The following KIAA0586 variants were observed in gnomAD, a reference collection of about 807,000 sequenced individuals.
KIAA0586 encodes the protein KIAA0586.
In KIAA0586, 144 loss-of-function variants were observed where a neutral mutation model predicts 169.8. The ratio of observed to expected loss-of-function variants is 0.85; its 90% CI spans 0.74 to 0.97. KIAA0586 has a LOEUF of 0.97. Among genes scored for constraint, KIAA0586 ranks in the 50% least tolerant of loss-of-function variants. KIAA0586 has a pLI of 0.00. For synonymous variants in KIAA0586, 625 were observed against 612.4 expected (o/e 1.02, Z -0.30); for missense variants, 1,854 against 1,823.0 (o/e 1.02, Z -0.31).
chr14:58,454,548 T>C (rs927723715), intron 9 of KIAA0586, among the ~76,000 whole-genome samples: 8 of 152,346 alleles, frequency 5.3e-5, no homozygotes, highest in Middle Eastern at 3.4e-3. Flanking sequence ...GTCCTTTTAT[T>C]CCACCCTGAA....
At chr14:58,542,633 A>C (rs977249056) in intron 30 of KIAA0586, among the ~76,000 whole-genome samples, 3 of 151,304 alleles carry the variant, frequency 2.0e-5, no homozygotes, top group Admixed American at 1.3e-4. Context: ...CTCTTTCCCC[A>C]CTCCCTCTTT....
rs1176874138 is a variant in KIAA0586, at chr14:58,492,046, C to CTG, written c.3859-98_3859-97insTG. ...TCCTTTCCAAAAATGCTAATATCAT[C>CTG]ATCTCATGACTGATAAGTTTTTATT... On this transcript the variant is annotated intron_variant, in intron 25 of 30. Coordinates refer to ENST00000652326, the MANE Select transcript of KIAA0586 (RefSeq NM_001329943.3). 3 of 904,198 alleles carry CTG rather than the reference C, an allele frequency of 3.3e-6. No individual in the cohort carries two copies. In the African/African-American group the frequency reaches 5.1e-5, roughly 15 times the overall value. The allele number at this position is 904,198 out of a possible 1,614,324, so 56.0% of individuals were successfully genotyped here. A position where few individuals can be genotyped will look rare whatever the true frequency, so the allele number is the denominator to read the frequency against.
chr14:58,428,556 A>G, intron 1 of KIAA0586, 93 bp downstream of exon 1: 3 of 941,680 alleles, frequency 3.2e-6, no homozygotes, highest in Non-Finnish European at 4.8e-6. Context: ...ATATAAGTCT[A>G]GTTTGTACAG....
intron 27 of KIAA0586, among the ~76,000 whole-genome samples, chr14:58,501,040 T>A (rs563794732): frequency 6.6e-6 from 1 of 152,350 alleles, no homozygotes; most frequent in East Asian, 1.9e-4. Context: ...TTTGCAAATA[T>A]GTAATTTACA....
At chr14:58,544,027 A>G in intron 30 of KIAA0586, 1 of 412,508 alleles carries the variant, frequency 2.4e-6, no homozygotes. Context: ...CTCACCCTCC[A>G]GTCTCAAGTA....
downstream of KIAA0586, among the ~76,000 whole-genome samples, chr14:58,553,217 A>G (rs1005202849): frequency 1.1e-4 from 17 of 152,226 alleles, 1 homozygote; most frequent in Admixed American, 9.2e-4. Context: ...TATTTGTGGT[A>G]TGCTCTAAAG....
chr14:58,532,066 G>A (rs955011660), intron 29 of KIAA0586, among the ~76,000 whole-genome samples: 3 of 152,046 alleles, frequency 2.0e-5, no homozygotes, highest in Non-Finnish European at 2.9e-5. Flanking sequence ...GATAGCGTTA[G>A]GAGAAATACC....
intron 21 of KIAA0586, 77 bp downstream of exon 21, chr14:58,482,789 G>A: frequency 4.1e-6 from 4 of 973,622 alleles, no homozygotes; most frequent in Non-Finnish European, 4.5e-6. Flanking sequence ...TAAGATCATT[G>A]TTTGTGGTAG....
At chr14:58,476,704 A>C (rs188659206) in intron 19 of KIAA0586, among the ~76,000 whole-genome samples, 1 of 126,362 alleles carries the variant, frequency 7.9e-6, no homozygotes. Context: ...GTCTCACTCT[A>C]TTGCCTAGGC....
chr14:58,534,937 A>G lies in KIAA0586; in HGVS notation c.4430-5134A>G, dbSNP rs900419334. Among the ~76,000 whole-genome samples, 26 of 152,334 alleles carry G rather than the reference A, an allele frequency of 1.7e-4. No homozygotes were observed. In the East Asian group the frequency reaches 5.0e-3, roughly 29 times the overall value. On this transcript the variant is annotated intron_variant, in intron 29 of 30. Coordinates refer to ENST00000652326, the MANE Select transcript of KIAA0586 (RefSeq NM_001329943.3). Reference sequence around the variant, plus strand: ...CAGCTCAAAGAATTTTCACAAATACAGTACACTTGTGGAAGCAGTATCCAG... The same window carrying G: ...CAGCTCAAAGAATTTTCACAAATACGGTACACTTGTGGAAGCAGTATCCAG...
chr14:58,479,076 G>GT (rs1452158665), intron 20 of KIAA0586, among the ~76,000 whole-genome samples: 1 of 152,148 alleles, frequency 6.6e-6, no homozygotes, highest in Non-Finnish European at 1.5e-5. Flanking sequence ...ATAAGTAAAT[G>GT]TTTAACTTTA....
In KIAA0586 at chr14:58,441,290, C is replaced by T; in HGVS notation, c.411-1416C>T. 2 of 448,424 alleles carry T rather than the reference C, an allele frequency of 4.5e-6. 1 individual carries two copies. The highest frequency in any genetic ancestry group is 3.1e-5 in the South Asian group (2 of 64,020). The allele number at this position is 448,424 out of a possible 1,614,324, so 27.8% of individuals were successfully genotyped here. On this transcript the variant is annotated intron_variant, in intron 4 of 30. Coordinates refer to ENST00000652326, the MANE Select transcript of KIAA0586 (RefSeq NM_001329943.3). Reference sequence around the variant, plus strand: ...TCACAACTCACTGCAGTCTCTACCTCCTCAGGCTCATGAGATCCTCCCACC... The same window carrying T: ...TCACAACTCACTGCAGTCTCTACCTTCTCAGGCTCATGAGATCCTCCCACC...
At position 58,442,695 on chromosome 14, in the gene KIAA0586, T is replaced by C. The variant is rs2038499347; in HGVS notation, c.411-11T>C. The C allele has an allele frequency of 1.3e-6, 2 of 1,522,598 alleles. No homozygotes were observed. Among genetic ancestry groups the C allele is most frequent in the African/African-American group, 1.4e-5 (1 of 71,860 alleles). The allele number at this position is 1,522,598 out of a possible 1,614,324, so 94.3% of individuals were successfully genotyped here. A position where few individuals can be genotyped will look rare whatever the true frequency, so the allele number is the denominator to read the frequency against. On this transcript the variant is annotated splice_polypyrimidine_tract_variant and intron_variant, in intron 4 of 30. Coordinates refer to ENST00000652326, the MANE Select transcript of KIAA0586 (RefSeq NM_001329943.3). ...TTACTGAATACATTTTTATTGCTTTTTTATTTATAGAGCTCAAAGCATGCC... is the reference window on the plus strand; with the variant it reads ...TTACTGAATACATTTTTATTGCTTTCTTATTTATAGAGCTCAAAGCATGCC...
chr14:58,555,611 C>A (rs954452025), downstream of KIAA0586, among the ~76,000 whole-genome samples: 1 of 152,044 alleles, frequency 6.6e-6, no homozygotes, highest in African/African-American at 2.4e-5. Flanking sequence ...ACTTCCTGAT[C>A]GAATTTTGAT....
At chr14:58,507,263 TTA>T (rs1231132346) in intron 27 of KIAA0586, among the ~76,000 whole-genome samples, 50 of 146,170 alleles carry the variant, frequency 3.4e-4, no homozygotes, top group African/African-American at 8.7e-4. Context: ...CATGTATGAT[TTA>T]TATATATGTA....
intron 29 of KIAA0586, among the ~76,000 whole-genome samples, chr14:58,522,668 G>A (rs183579613): frequency 1.3e-5 from 2 of 152,240 alleles, no homozygotes. Flanking sequence ...AAGAGGAAAG[G>A]GGTAGTTGAG....
intron 11 of KIAA0586, 41 bp from the exon 12 acceptor site, chr14:58,458,432 G>C: frequency 9.1e-7 from 1 of 1,098,862 alleles, no homozygotes; most frequent in South Asian, 1.4e-5. Context: ...GCTCAGGACA[G>C]TAAGTGCTAA....
At chr14:58,551,374 C>G (rs1252977531), downstream of KIAA0586, 1 of 152,068 alleles carries the variant, frequency 6.6e-6, no homozygotes, top group Non-Finnish European at 1.5e-5. Context: ...ATCTTAAGAT[C>G]TTTTATTGTT....
intron 15 of KIAA0586, among the ~76,000 whole-genome samples, chr14:58,466,353 A>G (rs1242072373): frequency 1.3e-5 from 2 of 152,208 alleles, no homozygotes; most frequent in Non-Finnish European, 2.9e-5. Flanking sequence ...TGTAATAGCA[A>G]TCTCTGAAAT....
Sources: allele counts gnomAD v4.1 joint callset (sites outside exome capture counted in the v4.1 genomes callset), GRCh38; gene constraint gnomAD v4.1.1; transcripts MANE v1.5; gene names NCBI Gene and HGNC (gene_info 2026-07-23, HGNC 2026-07-21).